ST6GAL2: variants seen among roughly 807,000 people sequenced by gnomAD.
ST6GAL2 encodes ST6 beta-galactoside alpha-2,6-sialyltransferase 2, also known as beta-galactoside alpha-2,6-sialyltransferase 2.
Under a neutral mutation model 37.5 loss-of-function variants are expected in ST6GAL2, and 24 were observed. That is an observed-to-expected ratio of 0.64 (90% CI 0.46 to 0.90). ST6GAL2 has a LOEUF of 0.90. Ranked by LOEUF, ST6GAL2 falls within the 40% of genes least tolerant of loss-of-function variation. The probability of loss-of-function intolerance (pLI) is 0.00; values close to 1 mark genes in which losing one functional copy is unlikely to be tolerated. For synonymous variants in ST6GAL2, 306 were observed against 295.1 expected (o/e 1.04, Z -0.38); for missense variants, 715 against 712.7 (o/e 1.00, Z -0.04).
intron 4 of ST6GAL2, among the ~76,000 whole-genome samples, chr2:106,830,806 A>T (rs1393252655): frequency 6.6e-6 from 1 of 152,136 alleles, no homozygotes; most frequent in East Asian, 1.9e-4. Flanking sequence ...GGCTGGGAAG[A>T]TTAACTAGGA....
chr2:106,810,279 G>A (rs188337618), intron 5 of ST6GAL2, among the ~76,000 whole-genome samples: 1 of 152,246 alleles, frequency 6.6e-6, no homozygotes, highest in East Asian at 1.9e-4. Context: ...CACACTTTTA[G>A]TATTTTCTTA....
At chr2:106,813,241 T>C in intron 5 of ST6GAL2, 1 of 1,319,984 alleles carries the variant, frequency 7.6e-7, no homozygotes, top group Non-Finnish European at 9.7e-7. Flanking sequence ...GAGGGATTCA[T>C]TTGAAGAAAA....
intron 1 of ST6GAL2, among the ~76,000 whole-genome samples, chr2:106,846,953 A>G (rs1185555500): frequency 6.6e-6 from 1 of 152,202 alleles, no homozygotes; most frequent in Non-Finnish European, 1.5e-5. Flanking sequence ...TAACTTGCCC[A>G]GGACCACAGA....
chr2:106,816,637 C>T (rs1411246621), intron 5 of ST6GAL2, among the ~76,000 whole-genome samples: 1 of 152,036 alleles, frequency 6.6e-6, no homozygotes, highest in Non-Finnish European at 1.5e-5. Context: ...AGTTTTAAAA[C>T]CTTAATAAGG....
intron 1 of ST6GAL2, among the ~76,000 whole-genome samples, chr2:106,878,419 G>A (rs994605126): frequency 2.0e-5 from 3 of 152,042 alleles, no homozygotes; most frequent in Non-Finnish European, 4.4e-5. Flanking sequence ...AGCCATGATT[G>A]CACCACTGTA....
At chr2:106,820,776 A>G (rs1440110123) in intron 5 of ST6GAL2, among the ~76,000 whole-genome samples, 1 of 152,130 alleles carries the variant, frequency 6.6e-6, no homozygotes, top group Admixed American at 6.5e-5. Flanking sequence ...AATTGTATCA[A>G]GTGTATTCTC....
In ST6GAL2 at chr2:106,807,815, A is replaced by G. The variant is rs953998010; in HGVS notation, c.1319-866T>C. Reference sequence around the variant, plus strand: ...AATATTTTGTATTTTTAGTAGAGACAGGGTTTCATTGTGTTAGCCAGGATG... The same window carrying G: ...AATATTTTGTATTTTTAGTAGAGACGGGGTTTCATTGTGTTAGCCAGGATG... On this transcript the variant is annotated intron_variant, in intron 5 of 5. Coordinates refer to ENST00000409382, the MANE Select transcript of ST6GAL2 (RefSeq NM_001142351.2). Among the ~76,000 whole-genome samples the G allele has an allele frequency of 5.9e-5, 9 of 151,866 alleles. No homozygotes were observed. In the South Asian group the frequency reaches 1.7e-3, roughly 28 times the overall value.
At chr2:106,830,326 G>T in intron 4 of ST6GAL2, 86 bp from the exon 5 acceptor site, 1 of 1,125,826 alleles carries the variant, frequency 8.9e-7, no homozygotes, top group Non-Finnish European at 1.3e-6. Flanking sequence ...TTGAGGCAGA[G>T]GGGCCAGGCT....
intron 5 of ST6GAL2, among the ~76,000 whole-genome samples, chr2:106,819,536 G>C (rs1675923994): frequency 6.6e-6 from 1 of 151,816 alleles, no homozygotes; most frequent in South Asian, 2.1e-4. Flanking sequence ...ACATAAAGGA[G>C]AAATGAAGAC....
chr2:106,823,888 G>A (rs1029743914), intron 5 of ST6GAL2, among the ~76,000 whole-genome samples: 1 of 152,120 alleles, frequency 6.6e-6, no homozygotes, highest in Admixed American at 6.6e-5. Flanking sequence ...TTTTATAAGG[G>A]CACTAATCCT....
In ST6GAL2 at chr2:106,843,379, G is replaced by A. The variant is rs1486948627; in HGVS notation, c.599C>T (p.Ser200Phe). ...CCAGAGCCGGTACAGGAAGGCCCTG[G>A]ACATGGAGGAGTACAGCCTGTCGCC... is the stretch of plus-strand genomic sequence containing the variant. ...DDGDRLYSSM[S>F]RAFLYRLWKG... is the part of the protein sequence containing the mutation. The change falls in exon 2 of 6, where the codon TCC becomes TTC. Residue 200 changes from serine to phenylalanine, a missense_variant. Coordinates refer to ENST00000409382, the MANE Select transcript of ST6GAL2 (RefSeq NM_001142351.2). 1.9e-6 allele frequency: 3 copies of A among 1,614,164 alleles called. No individual in the cohort carries two copies. In the South Asian group the frequency reaches 3.3e-5, roughly 18 times the overall value.
intron 1 of ST6GAL2, among the ~76,000 whole-genome samples, chr2:106,882,537 G>C (rs1403360300): frequency 6.6e-6 from 1 of 152,174 alleles, no homozygotes; most frequent in Non-Finnish European, 1.5e-5. Flanking sequence ...CATCTCCTGA[G>C]GCTGCACAGG....
chr2:106,833,420 C>T (rs1294728101), intron 3 of ST6GAL2, among the ~76,000 whole-genome samples: 2 of 152,294 alleles, frequency 1.3e-5, no homozygotes, highest in Non-Finnish European at 2.9e-5. Flanking sequence ...GTGCAGTGAA[C>T]TGTGCAGAAA....
chr2:106,808,538 G>A (rs1243032396), intron 5 of ST6GAL2, among the ~76,000 whole-genome samples: 1 of 151,994 alleles, frequency 6.6e-6, no homozygotes, highest in Non-Finnish European at 1.5e-5. Flanking sequence ...TTCTTCCATG[G>A]CTGCCTGGCT....
intron 1 of ST6GAL2, among the ~76,000 whole-genome samples, chr2:106,880,199 T>G (rs1573329855): frequency 6.6e-6 from 1 of 152,268 alleles, no homozygotes; most frequent in African/African-American, 2.4e-5. Context: ...ACTCTTAGGC[T>G]TATGGTTTTA....
intron 5 of ST6GAL2, among the ~76,000 whole-genome samples, chr2:106,821,428 T>C (rs939881949): frequency 6.6e-6 from 1 of 151,106 alleles, no homozygotes; most frequent in African/African-American, 2.4e-5. Context: ...TAGAAAAAAT[T>C]AATACATTCC....
chr2:106,836,385 C>T (rs896927938), intron 2 of ST6GAL2, among the ~76,000 whole-genome samples: 9 of 152,086 alleles, frequency 5.9e-5, no homozygotes, highest in Non-Finnish European at 1.3e-4. Flanking sequence ...CAAGACTCTA[C>T]GAGGGCTAGT....
chr2:106,804,341 A>C lies in ST6GAL2; in HGVS notation c.*2337T>G, dbSNP rs1478537518. ...TGTCAGCCAAGGGGGATTATGCTGG[A>C]TAGTAAGGATGTCTACAAGTAAATC... On this transcript the variant is annotated 3_prime_UTR_variant, in exon 6 of 6. Transcript: ENST00000409382. 3 of 152,328 alleles carry C rather than the reference A, an allele frequency of 2.0e-5. No homozygotes were observed. In the East Asian group the frequency reaches 5.8e-4, roughly 29 times the overall value. 9.4% of individuals were successfully genotyped at this position (152,328 alleles called of 1,614,324 possible). A position where few individuals can be genotyped will look rare whatever the true frequency, so the allele number is the denominator to read the frequency against.
chr2:106,854,146 A>G (rs1677480470), intron 1 of ST6GAL2, among the ~76,000 whole-genome samples: 1 of 152,204 alleles, frequency 6.6e-6, no homozygotes. Flanking sequence ...TGGCTTTTAC[A>G]AGGAGGCTTC....
Sources: allele counts gnomAD v4.1 joint callset (sites outside exome capture counted in the v4.1 genomes callset), GRCh38; gene constraint gnomAD v4.1.1; transcripts MANE v1.5; gene names NCBI Gene and HGNC (gene_info 2026-07-23, HGNC 2026-07-21).